The following PIH1D2 variants were observed in gnomAD, a reference collection of about 807,000 sequenced individuals.
PIH1D2 encodes the protein PIH1 domain containing 2, also known as PIH1 domain-containing protein 2.
In PIH1D2, 25 loss-of-function variants were observed where a neutral mutation model predicts 31.2. That is an observed-to-expected ratio of 0.80 (90% CI 0.58 to 1.12). The LOEUF (loss-of-function observed/expected upper bound fraction) is 1.12. Among genes scored for constraint, PIH1D2 ranks in the 50% most tolerant of loss-of-function variants. PIH1D2 has a pLI of 0.00. For missense variants in PIH1D2, 310 were observed against 356.6 expected, an observed-to-expected ratio of 0.87 and a Z score of 1.05; for synonymous variants, 116 against 119.9, an observed-to-expected ratio of 0.97 and a Z score of 0.21.
intron 2 of PIH1D2, 114 bp downstream of exon 2, chr11:112,072,884 C>CAAA: frequency 1.4e-4 from 133 of 926,420 alleles, no homozygotes; most frequent in Middle Eastern, 4.0e-4. Context: ...CAAAACAAAA[C>CAAA]AAAACAAAAA....
chr11:112,072,853 A>T, intron 2 of PIH1D2, 145 bp downstream of exon 2: 1 of 924,040 alleles, frequency 1.1e-6, no homozygotes, highest in Non-Finnish European at 1.5e-6. Flanking sequence ...ACAAAGTAAG[A>T]CTCTGTCTCA....
At chr11:112,065,317 G>A (rs1864881169), downstream of PIH1D2, among the ~76,000 whole-genome samples, 1 of 152,154 alleles carries the variant, frequency 6.6e-6, no homozygotes, top group Non-Finnish European at 1.5e-5. Flanking sequence ...TAACTAGAAT[G>A]TAAATTTTAC....
At chr11:112,061,376 A>T (rs1347393404), downstream of PIH1D2, 4 of 587,592 alleles carry the variant, frequency 6.8e-6, no homozygotes, top group Non-Finnish European at 1.2e-5. Flanking sequence ...GACTTATAAT[A>T]ATACAATACC....
Position 112,067,865 on chromosome 11 carries a change from C to G in PIH1D2, c.*6G>C. ...CTGAAAACCCAAAACATATGATGCT[C>G]TTCTTTCACACCAAAGGCATTGTGA... On this transcript the variant is annotated 3_prime_UTR_variant, in exon 6 of 6. Transcript: ENST00000280350. 6.2e-7 allele frequency: 1 copy of G among 1,611,582 alleles called. No homozygotes were observed. The highest frequency in any genetic ancestry group is 2.2e-5 in the East Asian group (1 of 44,712).
chr11:112,058,642 C>CT (rs587655131), downstream of PIH1D2, among the ~76,000 whole-genome samples: 41 of 139,552 alleles, frequency 2.9e-4, no homozygotes, highest in Admixed American at 4.3e-4. Flanking sequence ...GGGGAATCAC[C>CT]TTTTTTTTTT....
chr11:112,054,510 A>G, the PIH1D2 span, among the ~76,000 whole-genome samples: 2 of 152,282 alleles, frequency 1.3e-5, no homozygotes, highest in African/African-American at 2.4e-5. Flanking sequence ...TTCTACGTAT[A>G]TGTGAATTCT....
Position 112,070,993 on chromosome 11 carries a change from A to C in PIH1D2, c.547+45T>G, listed in dbSNP as rs782313607. ...TGCAAAATGTATACAGGATCCAAAA[A>C]CATCTTAAAGCAGTTTAATTTTCCA... On this transcript the variant is annotated intron_variant, in intron 4 of 5. Transcript: ENST00000280350. The C allele has an allele frequency of 1.5e-5, 23 of 1,573,250 alleles. No individual in the cohort carries two copies. In the Admixed American group the frequency reaches 4.1e-4, roughly 28 times the overall value.
chr11:112,071,858 C>G, intron 2 of PIH1D2, 100 bp from the exon 3 acceptor site: 2 of 1,322,778 alleles, frequency 1.5e-6, no homozygotes, highest in Non-Finnish European at 2.1e-6. Context: ...TTTGGGGGTC[C>G]AAGGCGGCCG....
chr11:112,069,401 T>C (rs1462018137), intron 5 of PIH1D2, among the ~76,000 whole-genome samples: 1 of 152,140 alleles, frequency 6.6e-6, no homozygotes, highest in Non-Finnish European at 1.5e-5. Flanking sequence ...TCTTGAAATA[T>C]GGGCAATGTC....
At chr11:112,060,317 C>T (rs782419668), downstream of PIH1D2, among the ~76,000 whole-genome samples, 11 of 151,856 alleles carry the variant, frequency 7.2e-5, no homozygotes, top group African/African-American at 1.2e-4. Flanking sequence ...CCTGCCACCA[C>T]GCCCGGCTAG....
At chr11:112,061,413 C>T (rs927360208), downstream of PIH1D2, 5 of 491,444 alleles carry the variant, frequency 1.0e-5, no homozygotes, top group Admixed American at 1.7e-4. Context: ...CACATGGATC[C>T]AGTGTAGTGC....
At chr11:112,061,536 A>G (rs1864624954), downstream of PIH1D2, 1 of 258,966 alleles carries the variant, frequency 3.9e-6, no homozygotes, top group Non-Finnish European at 7.5e-6. Context: ...CCATGGATAT[A>G]TGGAGGGTCA....
the PIH1D2 span, among the ~76,000 whole-genome samples, chr11:112,052,509 A>G: frequency 6.6e-6 from 1 of 152,182 alleles, no homozygotes; most frequent in Non-Finnish European, 1.5e-5. Flanking sequence ...TATGTTTATT[A>G]TAAAGGATAT....
chr11:112,069,198 T>G (rs1865036839), intron 5 of PIH1D2, among the ~76,000 whole-genome samples: 1 of 151,674 alleles, frequency 6.6e-6, no homozygotes, highest in Admixed American at 6.6e-5. Context: ...AGATAGGGTT[T>G]CACCATGTTG....
At chr11:112,068,121 T>G in intron 5 of PIH1D2, 116 bp from the exon 6 acceptor site, 1 of 699,278 alleles carries the variant, frequency 1.4e-6, no homozygotes, top group Non-Finnish European at 2.3e-6. Context: ...CCATGTGACT[T>G]GGAATGAGCA....
chr11:112,059,032 CAGA>C (rs1183084004), downstream of PIH1D2, among the ~76,000 whole-genome samples: 2 of 150,926 alleles, frequency 1.3e-5, no homozygotes, highest in African/African-American at 4.9e-5. Context: ...TCCTTGATAA[CAGA>C]AGATCTGATA....
At chr11:112,064,220 C>T, downstream of PIH1D2, 2 of 1,557,138 alleles carry the variant, frequency 1.3e-6, no homozygotes, top group Non-Finnish European at 1.7e-6. Context: ...TTCTGTTGTT[C>T]CCTTGAAAAA....
chr11:112,055,180 G>C, the PIH1D2 span, among the ~76,000 whole-genome samples: 6 of 151,526 alleles, frequency 4.0e-5, no homozygotes, highest in Non-Finnish European at 5.9e-5. Context: ...TCTGGAGCCT[G>C]GCAGAAATGG....
chr11:112,064,997 C>T (rs186143903), downstream of PIH1D2, among the ~76,000 whole-genome samples: 3 of 152,102 alleles, frequency 2.0e-5, no homozygotes, highest in East Asian at 5.8e-4. Flanking sequence ...CCTGCCACCA[C>T]GCCCAGCTAA....
Sources: gnomAD v4.1 joint callset for allele counts (sites outside exome capture counted in the v4.1 genomes callset) on GRCh38, gnomAD v4.1.1 for gene constraint, MANE v1.5 for transcripts, NCBI Gene and HGNC (gene_info 2026-07-23, HGNC 2026-07-21) for gene names.